Variants in STXBP3 observed in about 807,000 individuals in gnomAD.
STXBP3 encodes the protein syntaxin binding protein 3.
STXBP3 carries 41 observed loss-of-function variants against 85.7 expected under a neutral mutation model. That is an observed-to-expected ratio of 0.48 (90% CI 0.37 to 0.62). The LOEUF (loss-of-function observed/expected upper bound fraction) is 0.62, where lower values mean the gene tolerates loss of function less well. Ranked by LOEUF, STXBP3 falls within the 20% of genes least tolerant of loss-of-function variation. The pLI, the probability that STXBP3 is intolerant of heterozygous loss-of-function variation, is 0.00. For missense variants in STXBP3, 563 were observed against 703.1 expected, an observed-to-expected ratio of 0.80 and a Z score of 2.25; for synonymous variants, 229 against 231.7, an observed-to-expected ratio of 0.99 and a Z score of 0.10.
At chr1:108,776,735 A>G (rs759066803) in intron 8 of STXBP3, among the ~76,000 whole-genome samples, 16 of 152,138 alleles carry the variant, frequency 1.1e-4, no homozygotes, top group African/African-American at 3.4e-4. Context: ...TTTCTTTTCT[A>G]TAAAATGGGG....
chr1:108,755,935 A>T (rs1305458246), intron 3 of STXBP3, among the ~76,000 whole-genome samples: 2 of 152,188 alleles, frequency 1.3e-5, no homozygotes, highest in East Asian at 3.8e-4. Flanking sequence ...GTCCAGCAGT[A>T]ACCTCTCTTG....
intron 11 of STXBP3, among the ~76,000 whole-genome samples, chr1:108,787,783 TTTTTTTC>T (rs1424249794): frequency 2.6e-5 from 4 of 151,986 alleles, no homozygotes; most frequent in African/African-American, 4.8e-5. Flanking sequence ...CTGTTTTTTG[TTTTTTTC>T]TTTTTTCTTT....
At chr1:108,785,347 C>T (rs1662802718) in intron 11 of STXBP3, among the ~76,000 whole-genome samples, 3 of 152,220 alleles carry the variant, frequency 2.0e-5, no homozygotes, top group Admixed American at 6.5e-5. Flanking sequence ...CCCAACACCA[C>T]GTGTAAGCCA....
intron 9 of STXBP3, chr1:108,780,281 GT>G (rs1662687885): frequency 6.6e-6 from 1 of 151,588 alleles, no homozygotes; most frequent in Non-Finnish European, 1.5e-5. Context: ...TGGTTTCTGA[GT>G]TTTTCTCTGT....
chr1:108,800,851 G>A (rs1277237), intron 17 of STXBP3, among the ~76,000 whole-genome samples: 41,650 of 152,126 alleles, frequency 0.27, 6,740 homozygotes, highest in East Asian at 0.77. Context: ...GCCTTTAACT[G>A]TGTTGTGTCT....
At chr1:108,755,058 A>C (rs1167475090) in intron 3 of STXBP3, among the ~76,000 whole-genome samples, 1 of 152,062 alleles carries the variant, frequency 6.6e-6, no homozygotes, top group Non-Finnish European at 1.5e-5. Context: ...AATATTTAGT[A>C]GTGTCTTGGG....
chr1:108,785,887 T>A (rs1410840213), intron 11 of STXBP3, among the ~76,000 whole-genome samples: 1 of 152,152 alleles, frequency 6.6e-6, no homozygotes, highest in Non-Finnish European at 1.5e-5. Flanking sequence ...TGATACCACC[T>A]CAGCCTGGAT....
intron 2 of STXBP3, 36 bp downstream of exon 2, chr1:108,752,342 T>C: frequency 1.9e-6 from 3 of 1,589,798 alleles, no homozygotes; most frequent in Non-Finnish European, 2.6e-6. Flanking sequence ...TAAAAAATAA[T>C]ACAAACTTTA....
At chr1:108,762,468 A>AT (rs550150817) in intron 6 of STXBP3, among the ~76,000 whole-genome samples, 164 of 146,928 alleles carry the variant, frequency 1.1e-3, no homozygotes, top group Non-Finnish European at 1.8e-3. Flanking sequence ...ATGATTGTAA[A>AT]TTTTTTTTTT....
chr1:108,792,694 C>A (rs909368165), intron 11 of STXBP3, among the ~76,000 whole-genome samples: 1 of 152,138 alleles, frequency 6.6e-6, no homozygotes, highest in Non-Finnish European at 1.5e-5. Context: ...TTGTGCTAGA[C>A]ATGGTGGATG....
chr1:108,791,083 A>G (rs1662964440), intron 11 of STXBP3, among the ~76,000 whole-genome samples: 1 of 151,942 alleles, frequency 6.6e-6, no homozygotes, highest in Admixed American at 6.6e-5. Context: ...GTCTGAGGGC[A>G]TCTTCGTTTT....
rs190513854 is a variant in STXBP3 at position 108,770,644 on chromosome 1, A to G, written c.439-2021A>G. Among the ~76,000 whole-genome samples the G allele has an allele frequency of 2.9e-3, 448 of 152,280 alleles. 10 individuals are homozygous for G. The highest frequency in any genetic ancestry group is 0.025 in the Admixed American group (381 of 15,296). On this transcript the variant is annotated intron_variant, in intron 6 of 18. Transcript: ENST00000370008. ...AAGTTTGTTCATAATTCATTACTTA[A>G]CCTATAATGTTTATTACTTGCCTAC...
At chr1:108,784,816 T>G (rs1662791019) in intron 11 of STXBP3, among the ~76,000 whole-genome samples, 1 of 152,198 alleles carries the variant, frequency 6.6e-6, no homozygotes, top group Non-Finnish European at 1.5e-5. Context: ...CTGTTCCAAA[T>G]GGGAGAAATT....
At chr1:108,794,763 A>T in intron 12 of STXBP3, 64 bp from the exon 13 acceptor site, 1 of 1,441,300 alleles carries the variant, frequency 6.9e-7, no homozygotes, top group Non-Finnish European at 9.6e-7. Context: ...TCAAAAGTTT[A>T]ATATTACCAG....
chr1:108,752,294 A>G lies in STXBP3; in HGVS notation c.87A>G (p.Glu29=). 6.2e-7 allele frequency: 1 copy of G among 1,611,850 alleles called. No individual in the cohort carries two copies. ...KATVFDDCKK[E]GEWKIMLLDE... is the part of the protein sequence containing the mutation. ...CAGTGTTTGATGACTGCAAGAAAGA[A>G]GGCGAATGGAAGGTAGAGTTTGCAT... The change falls in exon 2 of 19, where the codon GAA becomes GAG. Residue 29 remains glutamate (E), a synonymous_variant. Transcript: ENST00000370008.
chr1:108,751,315 G>C (rs150406562), intron 1 of STXBP3, among the ~76,000 whole-genome samples: 87 of 152,126 alleles, frequency 5.7e-4, no homozygotes, highest in African/African-American at 2.0e-3. Flanking sequence ...GCTAGGAACA[G>C]GGGGTAAAAA....
chr1:108,763,383 G>A (rs1282996813), intron 6 of STXBP3, among the ~76,000 whole-genome samples: 1 of 152,148 alleles, frequency 6.6e-6, no homozygotes, highest in African/African-American at 2.4e-5. Flanking sequence ...TAATGCTCTA[G>A]GGAAAATTCT....
At chr1:108,765,989 A>C (rs1295918170) in intron 6 of STXBP3, among the ~76,000 whole-genome samples, 2 of 150,984 alleles carry the variant, frequency 1.3e-5, no homozygotes, top group African/African-American at 4.9e-5. Context: ...AGTAGCTGGG[A>C]TTACAGGCAT....
intron 11 of STXBP3, among the ~76,000 whole-genome samples, chr1:108,785,733 C>T (rs1662812939): frequency 6.6e-6 from 1 of 152,140 alleles, no homozygotes; most frequent in South Asian, 2.1e-4. Context: ...TGAGAAGTTT[C>T]TTCTGCCAGA....
Sources: allele counts gnomAD v4.1 joint callset (sites outside exome capture counted in the v4.1 genomes callset), GRCh38; gene constraint gnomAD v4.1.1; transcripts MANE v1.5; gene names NCBI Gene and HGNC (gene_info 2026-07-23, HGNC 2026-07-21).